CNTNAP2: variants seen among roughly 807,000 people sequenced by gnomAD.
The protein encoded by CNTNAP2 is contactin associated protein 2.
In CNTNAP2, 98 loss-of-function variants were observed where a neutral mutation model predicts 155.2. That is an observed-to-expected ratio of 0.63 (90% CI 0.54 to 0.75). The LOEUF (loss-of-function observed/expected upper bound fraction) is 0.75, where lower values mean the gene tolerates loss of function less well. Ranked by LOEUF, CNTNAP2 falls within the 30% of genes least tolerant of loss-of-function variation. The pLI is 0.00. For missense variants in CNTNAP2, 1,727 were observed against 1,688.1 expected, an observed-to-expected ratio of 1.02 and a Z score of -0.40; for synonymous variants, 651 against 631.2, an observed-to-expected ratio of 1.03 and a Z score of -0.47.
At chr7:146,586,965 A>G (rs1798701369) in intron 1 of CNTNAP2, among the ~76,000 whole-genome samples, 1 of 152,196 alleles carries the variant, frequency 6.6e-6, no homozygotes, top group Non-Finnish European at 1.5e-5. Flanking sequence ...CAACAATAAG[A>G]ATGACACGAT....
At chr7:148,234,812 T>A (rs1796019015) in intron 20 of CNTNAP2, among the ~76,000 whole-genome samples, 1 of 152,212 alleles carries the variant, frequency 6.6e-6, no homozygotes, top group Non-Finnish European at 1.5e-5. Context: ...TCCATGACAA[T>A]CACACATTTT....
At chr7:147,874,932 C>T (rs995783860) in intron 13 of CNTNAP2, among the ~76,000 whole-genome samples, 4 of 152,168 alleles carry the variant, frequency 2.6e-5, no homozygotes, top group East Asian at 1.9e-4. Context: ...GTGACCTTTC[C>T]TCCAGTTCCC....
intron 3 of CNTNAP2, among the ~76,000 whole-genome samples, chr7:146,934,376 A>G (rs947870173): frequency 6.2e-5 from 9 of 145,980 alleles, no homozygotes; most frequent in South Asian, 2.2e-4. Context: ...TCACTCATAG[A>G]TGGGAATTGA....
chr7:147,473,483 T>A (rs902705179), intron 10 of CNTNAP2, among the ~76,000 whole-genome samples: 3 of 152,058 alleles, frequency 2.0e-5, no homozygotes, highest in African/African-American at 7.2e-5. Flanking sequence ...TGTAATTGTG[T>A]CGAGGGTCCA....
intron 14 of CNTNAP2, among the ~76,000 whole-genome samples, chr7:147,920,653 A>T: frequency 6.6e-6 from 1 of 152,160 alleles, no homozygotes; most frequent in East Asian, 1.9e-4. Context: ...CCTGCTATAT[A>T]TCAGGCACAG....
At chr7:146,422,273 A>G (rs1011237316) in intron 1 of CNTNAP2, among the ~76,000 whole-genome samples, 2 of 150,882 alleles carry the variant, frequency 1.3e-5, no homozygotes, top group Non-Finnish European at 1.5e-5. Context: ...ATTCTTATAC[A>G]TGTATCTTCT....
chr7:147,989,153 T>C (rs1801669910), intron 15 of CNTNAP2, among the ~76,000 whole-genome samples: 1 of 152,178 alleles, frequency 6.6e-6, no homozygotes, highest in Admixed American at 6.5e-5. Flanking sequence ...CAGATTCTGA[T>C]TCAGGAAGTC....
chr7:146,996,415 C>T lies in CNTNAP2; in HGVS notation c.403-47492C>T, dbSNP rs115926374. On this transcript the variant is annotated intron_variant, in intron 3 of 23. Transcript: ENST00000361727. ...TTCACCAATTTTTCATAATTTTCAGCGTAGAGATCTTTCACCTCCCTGGTT... is the reference window on the plus strand; with the variant it reads ...TTCACCAATTTTTCATAATTTTCAGTGTAGAGATCTTTCACCTCCCTGGTT... Among the ~76,000 whole-genome samples, 971 of 151,998 alleles carry T rather than the reference C, an allele frequency of 6.4e-3. 20 individuals carry two copies. Among genetic ancestry groups the T allele is most frequent in the African/African-American group, 0.022 (928 of 41,464 alleles).
chr7:148,206,012 A>G (rs897797908), intron 18 of CNTNAP2, among the ~76,000 whole-genome samples: 1 of 151,926 alleles, frequency 6.6e-6, no homozygotes, highest in Non-Finnish European at 1.5e-5. Context: ...ATATATATGC[A>G]TATAGGCATA....
intron 1 of CNTNAP2, among the ~76,000 whole-genome samples, chr7:146,738,607 C>T (rs886915366): frequency 7.9e-5 from 12 of 151,510 alleles, no homozygotes; most frequent in African/African-American, 2.7e-4. Flanking sequence ...TATAAAAATG[C>T]TTTCTTCTAT....
chr7:147,109,951 G>C (rs1800843060), intron 5 of CNTNAP2, among the ~76,000 whole-genome samples: 2 of 151,806 alleles, frequency 1.3e-5, no homozygotes, highest in Admixed American at 1.3e-4. Flanking sequence ...TTGAGTCAGA[G>C]TCTCACCCTG....
chr7:146,864,881 G>T (rs182925745), intron 3 of CNTNAP2, among the ~76,000 whole-genome samples: 105 of 151,120 alleles, frequency 6.9e-4, no homozygotes, highest in Admixed American at 1.7e-3. Flanking sequence ...AGCTCAAGTG[G>T]TCCCAGCTCA....
At chr7:148,073,751 G>C (rs1340681567) in intron 15 of CNTNAP2, among the ~76,000 whole-genome samples, 1 of 151,710 alleles carries the variant, frequency 6.6e-6, no homozygotes. Flanking sequence ...GATTTGATCT[G>C]TGTAGTCTTC....
intron 3 of CNTNAP2, among the ~76,000 whole-genome samples, chr7:146,859,930 C>T (rs559020760): frequency 1.3e-5 from 2 of 152,200 alleles, no homozygotes; most frequent in African/African-American, 2.4e-5. Flanking sequence ...CCAATGTGGT[C>T]AGCAGTAAGA....
chr7:147,771,861 A>C (rs2116536783), intron 13 of CNTNAP2, among the ~76,000 whole-genome samples: 1 of 152,252 alleles, frequency 6.6e-6, no homozygotes, highest in African/African-American at 2.4e-5. Flanking sequence ...TTCTCTGAAA[A>C]TTATATCACA....
chr7:146,483,322 T>A (rs1423617028), intron 1 of CNTNAP2, among the ~76,000 whole-genome samples: 3 of 85,202 alleles, frequency 3.5e-5, no homozygotes, highest in South Asian at 3.0e-4. Flanking sequence ...TATATATATA[T>A]ATATATACAT....
chr7:148,158,892 T>C (rs977188112), intron 17 of CNTNAP2, among the ~76,000 whole-genome samples: 1 of 152,214 alleles, frequency 6.6e-6, no homozygotes, highest in Non-Finnish European at 1.5e-5. Context: ...AACTTCATGA[T>C]AATAAATGGC....
At chr7:146,312,046 C>T (rs546401017) in intron 1 of CNTNAP2, among the ~76,000 whole-genome samples, 3 of 152,076 alleles carry the variant, frequency 2.0e-5, no homozygotes, top group Non-Finnish European at 4.4e-5. Flanking sequence ...GTATCATTTC[C>T]CCACAACCCA....
chr7:146,564,636 G>A (rs1035551941), intron 1 of CNTNAP2, among the ~76,000 whole-genome samples: 8 of 149,702 alleles, frequency 5.3e-5, no homozygotes, highest in South Asian at 2.1e-4. Flanking sequence ...TTAAAAATAT[G>A]TATAAACATA....
Sources: gnomAD v4.1 joint callset for allele counts (sites outside exome capture counted in the v4.1 genomes callset) on GRCh38, gnomAD v4.1.1 for gene constraint, MANE v1.5 for transcripts, NCBI Gene and HGNC (gene_info 2026-07-23, HGNC 2026-07-21) for gene names.